Variants in SEMA5A observed in about 807,000 individuals in gnomAD.
SEMA5A encodes the protein semaphorin-5A.
SEMA5A carries 55 observed loss-of-function variants against 135.5 expected under a neutral mutation model. The observed-to-expected ratio is 0.41, with a 90% CI of 0.33 to 0.51. The LOEUF (loss-of-function observed/expected upper bound fraction) is 0.51, where lower values mean the gene tolerates loss of function less well. Among genes scored for constraint, SEMA5A ranks in the 20% least tolerant of loss-of-function variants. The probability of loss-of-function intolerance (pLI) is 0.37; values close to 1 mark genes in which losing one functional copy is unlikely to be tolerated. For missense variants in SEMA5A, 1,290 were observed against 1,419.9 expected (o/e 0.91, Z 1.47); for synonymous variants, 580 against 546.5 (o/e 1.06, Z -0.85).
In SEMA5A at chr5:9,154,151, AT is replaced by A. The variant is rs1287993875; in HGVS notation, c.1481+336del. Among the ~76,000 whole-genome samples the A allele has an allele frequency of 3.4e-5, 5 of 146,944 alleles. No homozygotes were observed. The East Asian group carries it at 1.0e-3, about 29-fold the overall frequency. ...TGTGTGTGTGTGTATATATATATAC[AT>A]ATATATAAGCTTGTGCCAGATTAAC... On this transcript the variant is annotated intron_variant, in intron 12 of 22. Coordinates refer to ENST00000382496, the MANE Select transcript of SEMA5A (RefSeq NM_003966.3).
chr5:9,309,482 C>T (rs948110462), intron 5 of SEMA5A, among the ~76,000 whole-genome samples: 2 of 152,126 alleles, frequency 1.3e-5, no homozygotes, highest in African/African-American at 4.8e-5. Context: ...AATTTGGGCA[C>T]AAGGGATGCA....
Position 9,345,819 on chromosome 5 carries a change from T to C in SEMA5A, c.125-8007A>G, listed in dbSNP as rs565683833. 6.6e-5 allele frequency among the ~76,000 whole-genome samples: 10 copies of C among 152,340 alleles called. No individual in the cohort carries two copies. The South Asian group carries it at 1.7e-3, about 25-fold the overall frequency. ...ATAAGTATATACACAATACATATAC[T>C]GTATTATACACAACACAATACATAT... On this transcript the variant is annotated intron_variant, in intron 3 of 22. Transcript: ENST00000382496.
chr5:9,387,683 G>A (rs1431655393), intron 2 of SEMA5A, among the ~76,000 whole-genome samples: 1 of 152,338 alleles, frequency 6.6e-6, no homozygotes, highest in Non-Finnish European at 1.5e-5. Context: ...TCTAGGTACA[G>A]TGTAGGAAAT....
Position 9,204,510 on chromosome 5 carries a change from T to A in SEMA5A, c.647-2270A>T, listed in dbSNP as rs1224007686. Among the ~76,000 whole-genome samples, 2 of 152,232 alleles carry A rather than the reference T, an allele frequency of 1.3e-5. No homozygotes were observed. The highest frequency in any genetic ancestry group is 2.9e-5 in the Non-Finnish European group (2 of 68,040). On this transcript the variant is annotated intron_variant, in intron 8 of 22. Coordinates refer to ENST00000382496, the MANE Select transcript of SEMA5A (RefSeq NM_003966.3). This position sits in a 1 kb window ranked among gnomAD's most constrained non-coding sequence, Gnocchi z 6.4. Reference sequence around the variant, plus strand: ...ATGAGTTTATAATAAAAACAGCTAATATCTGTAGAATGCTAAGTCTTGTGC... The same window carrying A: ...ATGAGTTTATAATAAAAACAGCTAAAATCTGTAGAATGCTAAGTCTTGTGC...
At chr5:9,537,890 A>G (rs1477718991) in intron 1 of SEMA5A, among the ~76,000 whole-genome samples, 5 of 152,238 alleles carry the variant, frequency 3.3e-5, no homozygotes, top group Non-Finnish European at 1.5e-5. Flanking sequence ...GCTAGCCTGG[A>G]CCACATCCCC....
At chr5:9,108,107 T>A in intron 16 of SEMA5A, 33 bp downstream of exon 16, 1 of 1,606,450 alleles carries the variant, frequency 6.2e-7, no homozygotes. Context: ...TGGTTCTGGA[T>A]TGTGGGCTGG....
At chr5:9,054,363 A>C (rs1436748071) in intron 18 of SEMA5A, 106 bp from the exon 19 acceptor site, 10 of 1,401,332 alleles carry the variant, frequency 7.1e-6, no homozygotes, top group Middle Eastern at 1.8e-4. Flanking sequence ...AGGGAAACAA[A>C]ATGGAATCTG....
At chr5:9,248,824 G>A (rs1748616807) in intron 5 of SEMA5A, among the ~76,000 whole-genome samples, 1 of 152,142 alleles carries the variant, frequency 6.6e-6, no homozygotes, top group South Asian at 2.1e-4. Context: ...CCAAACTTCT[G>A]GAGAAAGTGT....
intron 3 of SEMA5A, among the ~76,000 whole-genome samples, chr5:9,355,011 A>C (rs896530593): frequency 6.6e-6 from 1 of 152,198 alleles, no homozygotes; most frequent in East Asian, 1.9e-4. Flanking sequence ...ATTATCTTGC[A>C]AGTAGAGGTA....
At chr5:9,390,266 A>AT (rs1554029738) in intron 2 of SEMA5A, among the ~76,000 whole-genome samples, 1 of 152,218 alleles carries the variant, frequency 6.6e-6, no homozygotes, top group Non-Finnish European at 1.5e-5. Flanking sequence ...ACTTAAAAAA[A>AT]GGGGGGTCCC....
At chr5:9,164,080 AATTATAAATAT>A (rs1743454541) in intron 11 of SEMA5A, among the ~76,000 whole-genome samples, 1 of 18,724 alleles carries the variant, frequency 5.3e-5, no homozygotes, top group Admixed American at 6.1e-4. Flanking sequence ...TAATTTATAT[AATTATAAATAT>A]ATCATATAAA....
chr5:9,352,258 C>T (rs1754156430), intron 3 of SEMA5A, among the ~76,000 whole-genome samples: 1 of 152,102 alleles, frequency 6.6e-6, no homozygotes, highest in Non-Finnish European at 1.5e-5. Context: ...CACTAACCTC[C>T]CTCCTTTCCA....
At chr5:9,334,437 T>C (rs1435278135) in intron 4 of SEMA5A, among the ~76,000 whole-genome samples, 1 of 152,232 alleles carries the variant, frequency 6.6e-6, no homozygotes, top group Non-Finnish European at 1.5e-5. Flanking sequence ...GAAATTCCTA[T>C]TCTCTTCTTT....
chr5:9,187,751 A>T (rs1744885942), intron 11 of SEMA5A, among the ~76,000 whole-genome samples: 1 of 152,258 alleles, frequency 6.6e-6, no homozygotes, highest in Admixed American at 6.5e-5. Context: ...CAATAAAGCG[A>T]ATCTCTGCGA....
chr5:9,226,672 T>C (rs1172045311), intron 7 of SEMA5A, among the ~76,000 whole-genome samples, 197 bp downstream of exon 7: 1 of 152,210 alleles, frequency 6.6e-6, no homozygotes, highest in Non-Finnish European at 1.5e-5. Flanking sequence ...TATAATTATT[T>C]CCAGTTATTT....
chr5:9,143,283 A>G (rs1421550905), intron 12 of SEMA5A, among the ~76,000 whole-genome samples: 1 of 152,210 alleles, frequency 6.6e-6, no homozygotes, highest in Non-Finnish European at 1.5e-5. Context: ...TATATTGAAA[A>G]TACTAAGTCC....
intron 1 of SEMA5A, among the ~76,000 whole-genome samples, chr5:9,515,716 C>A (rs895309649): frequency 6.6e-6 from 1 of 152,146 alleles, no homozygotes; most frequent in African/African-American, 2.4e-5. Context: ...TCAGATCCAG[C>A]TCCTTAAGAG....
chr5:9,053,884 G>T (rs1055449517), intron 19 of SEMA5A: 4 of 506,228 alleles, frequency 7.9e-6, no homozygotes, highest in Non-Finnish European at 1.3e-5. Context: ...TTGAACACGA[G>T]TTCTGAATCT....
At chr5:9,154,804 A>G in intron 11 of SEMA5A, 109 bp from the exon 12 acceptor site, 2 of 929,034 alleles carry the variant, frequency 2.2e-6, no homozygotes, top group Non-Finnish European at 3.4e-6. Context: ...CAGCCAGGAA[A>G]GCCATCTGAG....
Sources: gnomAD v4.1 joint callset for allele counts (sites outside exome capture counted in the v4.1 genomes callset) on GRCh38, gnomAD v4.1.1 for gene constraint, Gnocchi (gnomAD v3.1) non-coding constraint, MANE v1.5 for transcripts, NCBI Gene and HGNC (gene_info 2026-07-23, HGNC 2026-07-21) for gene names.